The following SOX6 variants were observed in gnomAD, a reference collection of about 807,000 sequenced individuals.
SOX6 encodes the protein transcription factor SOX-6.
SOX6 carries 11 observed loss-of-function variants against 97.8 expected under a neutral mutation model. That is an observed-to-expected ratio of 0.11 (90% CI 0.07 to 0.19). The LOEUF (loss-of-function observed/expected upper bound fraction) is 0.19, where lower values mean the gene tolerates loss of function less well. Ranked by LOEUF, SOX6 falls within the 10% of genes least tolerant of loss-of-function variation. The pLI is 1.00. For missense variants in SOX6, 810 were observed against 1,039.5 expected (o/e 0.78, Z 3.04); for synonymous variants, 360 against 371.4 (o/e 0.97, Z 0.35).
intron 1 of SOX6, among the ~76,000 whole-genome samples, chr11:16,451,234 A>G (rs1314117806): frequency 6.6e-6 from 1 of 152,148 alleles, no homozygotes; most frequent in Non-Finnish European, 1.5e-5. Context: ...CCTGTCTCCA[A>G]AAAATAATAA....
At chr11:16,385,466 T>C (rs980472486) in intron 1 of SOX6, among the ~76,000 whole-genome samples, 2 of 152,078 alleles carry the variant, frequency 1.3e-5, no homozygotes, top group Non-Finnish European at 1.5e-5. Flanking sequence ...CCTTGGGAAA[T>C]AAACAAAAAT....
intron 3 of SOX6, among the ~76,000 whole-genome samples, chr11:16,673,070 T>TCAAAAA (rs962465203): frequency 1.3e-5 from 2 of 151,924 alleles, no homozygotes; most frequent in East Asian, 1.9e-4. Context: ...AGACTCTGCC[T>TCAAAAA]CAAAAACAAA....
chr11:16,295,265 C>G (rs1444953651), intron 3 of SOX6, among the ~76,000 whole-genome samples: 1 of 152,012 alleles, frequency 6.6e-6, no homozygotes, highest in Non-Finnish European at 1.5e-5. Context: ...ATAAATTGTG[C>G]ATTTTTAGAG....
At chr11:15,984,395 A>T (rs1328257939) in intron 15 of SOX6, among the ~76,000 whole-genome samples, 2 of 152,182 alleles carry the variant, frequency 1.3e-5, no homozygotes, top group Non-Finnish European at 2.9e-5. Context: ...GTATCACTAC[A>T]TACACAGGGA....
At chr11:16,665,132 G>A (rs117577143) in intron 3 of SOX6, among the ~76,000 whole-genome samples, 2,388 of 152,034 alleles carry the variant, frequency 0.016, 24 homozygotes, top group Middle Eastern at 0.045. Context: ...CCCAGCTGTG[G>A]TGAATATGGG....
intron 12 of SOX6, among the ~76,000 whole-genome samples, chr11:16,037,529 G>C (rs1266493740): frequency 6.6e-6 from 1 of 152,168 alleles, no homozygotes; most frequent in Non-Finnish European, 1.5e-5. Flanking sequence ...GAAGAAAATG[G>C]ATTTTAAATG....
intron 9 of SOX6, among the ~76,000 whole-genome samples, chr11:16,061,723 A>G (rs890232933): frequency 2.0e-5 from 3 of 151,754 alleles, no homozygotes; most frequent in African/African-American, 7.2e-5. Context: ...AGAATAGAGA[A>G]CTCAGAAATA....
chr11:16,708,412 G>GAT (rs1300769167), intron 3 of SOX6, among the ~76,000 whole-genome samples: 1 of 152,174 alleles, frequency 6.6e-6, no homozygotes, highest in Admixed American at 6.5e-5. Context: ...AAGGTAGTTT[G>GAT]ATAGTTTGAT....
chr11:16,472,797 A>C (rs1277768564), intron 1 of SOX6, among the ~76,000 whole-genome samples: 1 of 152,124 alleles, frequency 6.6e-6, no homozygotes, highest in Non-Finnish European at 1.5e-5. Context: ...ACTCTAATTT[A>C]TAACATTACT....
intron 3 of SOX6, among the ~76,000 whole-genome samples, chr11:16,708,789 A>G (rs1020576667): frequency 6.6e-6 from 1 of 152,238 alleles, no homozygotes; most frequent in African/African-American, 2.4e-5. Context: ...AAATGGCTCT[A>G]GACAAATTGC....
At chr11:16,329,162 A>G (rs545859105) in intron 2 of SOX6, among the ~76,000 whole-genome samples, 1 of 152,274 alleles carries the variant, frequency 6.6e-6, no homozygotes, top group Non-Finnish European at 1.5e-5. Flanking sequence ...ATATTTGCTA[A>G]AGTGTCATGA....
At position 16,590,023 on chromosome 11, in the gene SOX6, C is replaced by A. The variant is rs117113484; in HGVS notation, n.609+22058G>T. Reference sequence around the variant, plus strand: ...AATAATATACAAAAAAATAATATGACAACAAACGTAAATACATTCCCTTAA... The same window carrying A: ...AATAATATACAAAAAAATAATATGAAAACAAACGTAAATACATTCCCTTAA... On this transcript the variant is annotated intron_variant and non_coding_transcript_variant, in intron 4 of 5. Transcript: ENST00000524520. Among the ~76,000 whole-genome samples the A allele has an allele frequency of 3.3e-5, 5 of 152,200 alleles. No homozygotes were observed. In the East Asian group the frequency reaches 9.6e-4, roughly 29 times the overall value.
At chr11:16,410,780 GATAT>G (rs1424376931) in intron 1 of SOX6, among the ~76,000 whole-genome samples, 6 of 111,824 alleles carry the variant, frequency 5.4e-5, no homozygotes, top group Admixed American at 4.3e-4. Flanking sequence ...AAAAAAAAAA[GATAT>G]GAACAAGTAT....
chr11:16,601,183 T>C (rs1283720339), intron 4 of SOX6, among the ~76,000 whole-genome samples: 1 of 152,196 alleles, frequency 6.6e-6, no homozygotes, highest in South Asian at 2.1e-4. Flanking sequence ...TTAAATCTCA[T>C]ATACCTACAT....
chr11:16,411,454 C>G (rs1858817206), intron 1 of SOX6, among the ~76,000 whole-genome samples: 1 of 152,008 alleles, frequency 6.6e-6, no homozygotes, highest in African/African-American at 2.4e-5. Flanking sequence ...GACCTTGGCA[C>G]TTAAGGTTTG....
intron 4 of SOX6, among the ~76,000 whole-genome samples, chr11:16,526,269 G>A (rs1449175417): frequency 1.3e-5 from 2 of 152,176 alleles, no homozygotes; most frequent in East Asian, 1.9e-4. Context: ...TTAAGAAAAT[G>A]TGGCACATAT....
At chr11:16,640,931 T>A (rs1178849351) in intron 3 of SOX6, among the ~76,000 whole-genome samples, 1 of 152,214 alleles carries the variant, frequency 6.6e-6, no homozygotes, top group Admixed American at 6.5e-5. Flanking sequence ...CTGATCTTAG[T>A]TATTTCTTGC....
rs562903227 is a variant in SOX6, at chr11:16,074,721, T to C, written c.1102-18820A>G. Among the ~76,000 whole-genome samples, 52 of 152,150 alleles carry C rather than the reference T, an allele frequency of 3.4e-4. 1 individual carries two copies. In the South Asian group the frequency reaches 6.2e-3, roughly 18 times the overall value. ...CCAAAGAAATTACAGATGATACTAA[T>C]GGAAAATGAATGGAAAAACATTCCT... On this transcript the variant is annotated intron_variant, in intron 9 of 15. Coordinates refer to ENST00000683767, the MANE Select transcript of SOX6 (RefSeq NM_001367873.1).
intron 1 of SOX6, among the ~76,000 whole-genome samples, chr11:16,471,540 T>C (rs1372937130): frequency 1.3e-5 from 2 of 152,204 alleles, no homozygotes; most frequent in African/African-American, 4.8e-5. Flanking sequence ...TAAGCAGTTG[T>C]AGGACATGGA....
Sources: gnomAD v4.1 joint callset for allele counts (sites outside exome capture counted in the v4.1 genomes callset) on GRCh38, gnomAD v4.1.1 for gene constraint, MANE v1.5 for transcripts, NCBI Gene and HGNC (gene_info 2026-07-23, HGNC 2026-07-21) for gene names.